The following C12orf75 variants were observed in gnomAD, a reference collection of about 807,000 sequenced individuals.
C12orf75 encodes overexpressed in colon carcinoma 1 protein.
A neutral mutation model predicts 11.4 loss-of-function variants in C12orf75; 4 were observed. The ratio of observed to expected loss-of-function variants is 0.35; its 90% confidence interval spans 0.17 to 0.80. The LOEUF (loss-of-function observed/expected upper bound fraction) is 0.80, where lower values mean the gene tolerates loss of function less well. Among genes scored for constraint, C12orf75 ranks in the 30% least tolerant of loss-of-function variants. The pLI is 0.52. For synonymous variants in C12orf75, 30 were observed against 30.0 expected, an observed-to-expected ratio of 1.00 and a Z score of 0.00; for missense variants, 89 against 80.4, an observed-to-expected ratio of 1.11 and a Z score of -0.41.
chr12:105,331,139 G>C (rs1214908509), intron 1 of C12orf75, among the ~76,000 whole-genome samples: 2 of 151,940 alleles, frequency 1.3e-5, no homozygotes, highest in East Asian at 3.9e-4. Context: ...GAGCAGTCGA[G>C]CCTGCGGGGC....
chr12:105,348,547 A>T lies in C12orf75; in HGVS notation c.47-55A>T, dbSNP rs570126004. 1,184 of 1,304,544 alleles carry T rather than the reference A, an allele frequency of 9.1e-4. 2 individuals carry two copies. Among genetic ancestry groups the T allele is most frequent in the Middle Eastern group, 2.4e-3 (12 of 5,106 alleles). 80.8% of individuals were successfully genotyped at this position (1,304,544 alleles called of 1,614,324 possible). ...GTATTTTAATTAGGTATTAGACAAC[A>T]TTTTTGTAGCAATACTATCACACCA... On this transcript the variant is annotated intron_variant, in intron 1 of 5. Coordinates refer to ENST00000443585, the MANE Select transcript of C12orf75 (RefSeq NM_001145199.2).
chr12:105,361,629 T>C (rs556776181), intron 2 of C12orf75, among the ~76,000 whole-genome samples: 14 of 152,316 alleles, frequency 9.2e-5, no homozygotes, highest in Non-Finnish European at 2.1e-4. Context: ...TGGCTTAACA[T>C]GTCTGGGCCT....
intron 1 of C12orf75, among the ~76,000 whole-genome samples, chr12:105,346,244 A>G (rs779574503): frequency 6.6e-6 from 1 of 152,110 alleles, no homozygotes; most frequent in Non-Finnish European, 1.5e-5. Context: ...TCTCCCCATA[A>G]CGTATGAAAC....
At chr12:105,368,450 A>G (rs565327514) in intron 5 of C12orf75, among the ~76,000 whole-genome samples, 1 of 152,212 alleles carries the variant, frequency 6.6e-6, no homozygotes, top group East Asian at 1.9e-4. Context: ...TTATGACCTC[A>G]GTTTTGTTAT....
At chr12:105,355,913 C>G (rs1008208355) in intron 2 of C12orf75, among the ~76,000 whole-genome samples, 25 of 152,162 alleles carry the variant, frequency 1.6e-4, no homozygotes, top group African/African-American at 6.0e-4. Context: ...GGCTCTTGAT[C>G]TCTTGCTTCT....
chr12:105,334,508 A>G (rs956555013), intron 1 of C12orf75, among the ~76,000 whole-genome samples: 15 of 152,208 alleles, frequency 9.9e-5, no homozygotes, highest in Non-Finnish European at 2.1e-4. Flanking sequence ...CTCCACTTTC[A>G]CATTTTGATA....
At chr12:105,357,805 TGTGAGAGA>T (rs777579650) in intron 2 of C12orf75, among the ~76,000 whole-genome samples, 8 of 142,700 alleles carry the variant, frequency 5.6e-5, no homozygotes, top group African/African-American at 1.7e-4. Context: ...TGTGTGTGTG[TGTGAGAGA>T]GAGAGAGAGA....
chr12:105,350,878 C>T (rs184578606), intron 2 of C12orf75, among the ~76,000 whole-genome samples: 160 of 152,190 alleles, frequency 1.1e-3, no homozygotes, highest in African/African-American at 3.6e-3. Flanking sequence ...CAGAATTAAC[C>T]GTTCCAGGAT....
chr12:105,351,516 T>C (rs1343821288), intron 2 of C12orf75, among the ~76,000 whole-genome samples: 2 of 152,246 alleles, frequency 1.3e-5, no homozygotes, highest in Admixed American at 1.3e-4. Flanking sequence ...AATAAAATGA[T>C]GTATCTGTCC....
chr12:105,365,409 T>G (rs965977953), intron 2 of C12orf75, among the ~76,000 whole-genome samples: 1 of 152,216 alleles, frequency 6.6e-6, no homozygotes, highest in African/African-American at 2.4e-5. Context: ...GTCAACCAGC[T>G]TATTTTACAA....
chr12:105,370,239 C>T (rs1871589525), intron 5 of C12orf75, among the ~76,000 whole-genome samples: 1 of 152,180 alleles, frequency 6.6e-6, no homozygotes, highest in South Asian at 2.1e-4. Context: ...GCATCAGAAT[C>T]CCGTGGGGGA....
chr12:105,339,606 TTTTC>T (rs764909487), intron 1 of C12orf75, among the ~76,000 whole-genome samples: 52 of 152,090 alleles, frequency 3.4e-4, no homozygotes, highest in African/African-American at 6.3e-4. Flanking sequence ...GTATATGACC[TTTTC>T]TTTCTTTCTT....
intron 2 of C12orf75, 134 bp from the exon 3 acceptor site, chr12:105,365,673 C>T (rs2136152113): frequency 3.0e-6 from 2 of 674,544 alleles, no homozygotes; most frequent in South Asian, 1.7e-5. Flanking sequence ...TAGTTTTGCT[C>T]CTCTACTTAA....
At chr12:105,364,809 C>T (rs1349888067) in intron 2 of C12orf75, among the ~76,000 whole-genome samples, 1 of 151,194 alleles carries the variant, frequency 6.6e-6, no homozygotes, top group Non-Finnish European at 1.5e-5. Context: ...TAGAAATACG[C>T]CAAGGAATTC....
intron 1 of C12orf75, among the ~76,000 whole-genome samples, chr12:105,336,428 A>T (rs1200938530): frequency 6.6e-6 from 1 of 152,218 alleles, no homozygotes; most frequent in Non-Finnish European, 1.5e-5. Context: ...CCTATTGTAG[A>T]TTCAGTGAGT....
chr12:105,364,745 A>G (rs1871412730), intron 2 of C12orf75, among the ~76,000 whole-genome samples: 1 of 152,082 alleles, frequency 6.6e-6, no homozygotes, highest in Admixed American at 6.6e-5. Flanking sequence ...TTTCTTTCAG[A>G]AAAGCAACTT....
In C12orf75 at chr12:105,345,107, A is replaced by G. The variant is rs117575834; in HGVS notation, c.47-3495A>G. Among the ~76,000 whole-genome samples, 444 of 152,134 alleles carry G rather than the reference A, an allele frequency of 2.9e-3. 1 individual carries two copies. The highest frequency in any genetic ancestry group is 8.5e-3 in the South Asian group (41 of 4,812). On this transcript the variant is annotated intron_variant, in intron 1 of 5. Transcript: ENST00000443585. ...CTCTTCCCTTTGAAATTCAGGCACAACTGACCAGCATTTAACATTAAAACA... is the reference window on the plus strand; with the variant it reads ...CTCTTCCCTTTGAAATTCAGGCACAGCTGACCAGCATTTAACATTAAAACA...
At chr12:105,349,668 G>C (rs906987499) in intron 2 of C12orf75, among the ~76,000 whole-genome samples, 1 of 152,066 alleles carries the variant, frequency 6.6e-6, no homozygotes, top group South Asian at 2.1e-4. Flanking sequence ...TTGAGGTCAG[G>C]AGTTCAAGAC....
At chr12:105,349,063 G>A (rs183292639) in intron 2 of C12orf75, among the ~76,000 whole-genome samples, 7 of 152,286 alleles carry the variant, frequency 4.6e-5, no homozygotes, top group South Asian at 2.1e-4. Context: ...CTAGATATTC[G>A]AATGAATATA....
Sources: allele counts gnomAD v4.1 joint callset (sites outside exome capture counted in the v4.1 genomes callset), GRCh38; gene constraint gnomAD v4.1.1; transcripts MANE v1.5; gene names NCBI Gene and HGNC (gene_info 2026-07-23, HGNC 2026-07-21).